HBS1L: variants seen among roughly 807,000 people sequenced by gnomAD.
HBS1L encodes the protein HBS1 like translational GTPase.
HBS1L carries 55 observed loss-of-function variants against 88.9 expected under a neutral mutation model. That is an observed-to-expected ratio of 0.62 (90% confidence interval 0.50 to 0.77). The LOEUF is 0.77. Ranked by LOEUF, HBS1L falls within the 30% of genes least tolerant of loss-of-function variation. HBS1L has a pLI of 0.00. For missense variants in HBS1L, 741 were observed against 829.3 expected, an observed-to-expected ratio of 0.89 and a Z score of 1.31; for synonymous variants, 267 against 288.5, an observed-to-expected ratio of 0.93 and a Z score of 0.76.
chr6:135,031,319 T>C (rs1776377132), intron 4 of HBS1L, among the ~76,000 whole-genome samples: 1 of 152,130 alleles, frequency 6.6e-6, no homozygotes, highest in South Asian at 2.1e-4. Flanking sequence ...AACCTACCTC[T>C]GTATTTCTTG....
At chr6:135,050,517 G>C in intron 2 of HBS1L, 65 bp downstream of exon 2, 1 of 1,060,282 alleles carries the variant, frequency 9.4e-7, no homozygotes, top group Non-Finnish European at 1.4e-6. Flanking sequence ...TCCAGTCCTT[G>C]AACGACTAAC....
At chr6:134,979,956 T>C (rs1774778585) in intron 13 of HBS1L, among the ~76,000 whole-genome samples, 1 of 152,068 alleles carries the variant, frequency 6.6e-6, no homozygotes, top group Non-Finnish European at 1.5e-5. Context: ...ATACATCTAT[T>C]TACCTAGACA....
Position 134,985,342 on chromosome 6 carries a change from T to G in HBS1L, c.1491A>C (p.Lys497Asn). ...AAGCACTACAAAGGTAGCACTTACC[T>G]TTGAAAACATCGGACACACATAATC... Reference protein sequence around the residue: ...PFRLCVSDVFKDQGSGFCITG... With the variant: ...PFRLCVSDVFNDQGSGFCITG... Residue 497 changes from lysine to asparagine, a missense_variant and splice_region_variant, in exon 12 of 18, where the codon AAA (lysine) becomes AAC (asparagine). Lys to Asn is a moderately conservative substitution (Grantham distance 94). Around this residue, in one of 3 missense-constraint regions of HBS1L, gnomAD observed 556 missense variants for 598.4 expected, o/e 0.93. Coordinates refer to ENST00000367837, the MANE Select transcript of HBS1L (RefSeq NM_006620.4). 2 of 1,600,250 alleles carry G rather than the reference T, an allele frequency of 1.2e-6. No individual in the cohort carries two copies. The highest frequency in any genetic ancestry group is 1.7e-6 in the Non-Finnish European group (2 of 1,171,670).
intron 8 of HBS1L, among the ~76,000 whole-genome samples, chr6:134,991,434 C>T (rs1327185296): frequency 6.6e-6 from 1 of 152,068 alleles, no homozygotes; most frequent in African/African-American, 2.4e-5. Context: ...TATTCCAATC[C>T]ACAGTTGACT....
At chr6:134,977,523 G>A (rs1413521197) in intron 15 of HBS1L, among the ~76,000 whole-genome samples, 1 of 151,808 alleles carries the variant, frequency 6.6e-6, no homozygotes, top group East Asian at 1.9e-4. Flanking sequence ...GTGTATGGAA[G>A]AAATGGAATA....
chr6:134,997,125 A>C lies in HBS1L; in HGVS notation c.800-183T>G, dbSNP rs375791968. ...AGCATATCTCTTTACAGACGGGGGG[A>C]ATTTCTCAGATTTTTGGAAATTAAA... On this transcript the variant is annotated intron_variant, in intron 6 of 17. Coordinates refer to ENST00000367837, the MANE Select transcript of HBS1L (RefSeq NM_006620.4). Among the ~76,000 whole-genome samples the C allele has an allele frequency of 1.3e-4, 20 of 152,226 alleles. No individual in the cohort carries two copies. The East Asian group carries it at 3.5e-3, about 26-fold the overall frequency.
intron 4 of HBS1L, among the ~76,000 whole-genome samples, chr6:135,023,608 A>G (rs1031023783): frequency 8.5e-5 from 13 of 152,214 alleles, no homozygotes; most frequent in Admixed American, 7.9e-4. Flanking sequence ...TCATCATATA[A>G]AATTAGGCTT....
At chr6:134,980,638 C>A (rs1314639175) in intron 13 of HBS1L, among the ~76,000 whole-genome samples, 3 of 151,786 alleles carry the variant, frequency 2.0e-5, no homozygotes, top group Admixed American at 2.0e-4. Context: ...TTCTTCTTCC[C>A]CTCAATCATG....
At chr6:135,035,750 C>CAAAAAAAAAAAAAA (rs34517904) in intron 4 of HBS1L, 4 of 71,084 alleles carry the variant, frequency 5.6e-5, no homozygotes, top group African/African-American at 1.5e-4. Flanking sequence ...GACTCTGTCT[C>CAAAAAAAAAAAAAA]AAAAAAAAAA....
chr6:135,009,112 C>T (rs1185056842), intron 4 of HBS1L, among the ~76,000 whole-genome samples: 1 of 152,160 alleles, frequency 6.6e-6, no homozygotes, highest in Non-Finnish European at 1.5e-5. Flanking sequence ...TTTACATGGT[C>T]GTTTACCTTT....
In HBS1L at chr6:135,041,628, T is replaced by A. The variant is rs143164614; in HGVS notation, c.235+373A>T. 8.5e-3 allele frequency among the ~76,000 whole-genome samples: 1,296 copies of A among 152,246 alleles called. 10 individuals are homozygous for A. The highest frequency in any genetic ancestry group is 0.03 in the African/African-American group (1,233 of 41,564). On this transcript the variant is annotated intron_variant, in intron 3 of 17. Transcript: ENST00000367837. ...TTTTTGAAACCTCTTGAACTTAACA[T>A]CTTTGTAAGTAAAGGAGTTTATGTA...
intron 2 of HBS1L, among the ~76,000 whole-genome samples, chr6:135,042,969 G>T (rs1776792153): frequency 6.6e-6 from 1 of 152,160 alleles, no homozygotes; most frequent in South Asian, 2.1e-4. Flanking sequence ...CTGTAAACTA[G>T]TGTCATATAC....
chr6:134,970,353 G>A (rs544164263), intron 15 of HBS1L, among the ~76,000 whole-genome samples: 3 of 152,092 alleles, frequency 2.0e-5, no homozygotes, highest in African/African-American at 4.8e-5. Context: ...GGCTGGTCTC[G>A]AACTCCTGAC....
rs139197509 is a variant in HBS1L at position 135,031,214 on chromosome 6, C to G, written c.430+8359G>C. Among the ~76,000 whole-genome samples the G allele has an allele frequency of 4.8e-3, 725 of 152,064 alleles. 4 individuals are homozygous for G. The highest frequency in any genetic ancestry group is 0.016 in the African/African-American group (659 of 41,532). ...TCGGTGTTAATGAATCCATGCTATA[C>G]ACATCCATTAAATAAGGTGTCTTTA... On this transcript the variant is annotated intron_variant, in intron 4 of 17. Transcript: ENST00000367837.
chr6:135,047,882 A>G (rs939466680), intron 2 of HBS1L, among the ~76,000 whole-genome samples: 2 of 152,214 alleles, frequency 1.3e-5, no homozygotes, highest in African/African-American at 4.8e-5. Flanking sequence ...GTGATGCTGA[A>G]TTATAGGAGC....
At position 134,965,302 on chromosome 6, in the gene HBS1L, A is replaced by G. The variant is rs780381803; in HGVS notation, c.2044-12T>C. 5.1e-6 allele frequency: 4 copies of G among 785,868 alleles called. No homozygotes were observed. Among genetic ancestry groups the G allele is most frequent in the Non-Finnish European group, 1.7e-6 (1 of 581,510 alleles). 48.7% of individuals were successfully genotyped at this position (785,868 alleles called of 1,614,324 possible). On this transcript the variant is annotated splice_polypyrimidine_tract_variant and intron_variant, in intron 17 of 17. Coordinates refer to ENST00000367837, the MANE Select transcript of HBS1L (RefSeq NM_006620.4). ...CATCATTCTTTTATCTGTTAAAACA[A>G]AAAAAAAAAAGACATTTGCTGTAAT...
chr6:134,980,885 A>T (rs1774810243), intron 13 of HBS1L, among the ~76,000 whole-genome samples: 1 of 151,990 alleles, frequency 6.6e-6, no homozygotes, highest in South Asian at 2.1e-4. Context: ...AGTGCTTTCA[A>T]GAATCAAGTA....
At chr6:134,977,584 T>A (rs1027755843) in intron 15 of HBS1L, among the ~76,000 whole-genome samples, 1 of 152,044 alleles carries the variant, frequency 6.6e-6, no homozygotes, top group Non-Finnish European at 1.5e-5. Flanking sequence ...TAATTTTACA[T>A]GATCAAATTA....
At chr6:135,048,134 A>G (rs1776968443) in intron 2 of HBS1L, among the ~76,000 whole-genome samples, 1 of 152,224 alleles carries the variant, frequency 6.6e-6, no homozygotes, top group Admixed American at 6.5e-5. Flanking sequence ...TCATCCAATA[A>G]GGAGATATGA....
Sources: gnomAD v4.1 joint callset for allele counts (sites outside exome capture counted in the v4.1 genomes callset) on GRCh38, gnomAD v4.1.1 for gene constraint, gnomAD v4.1.1 regional missense constraint, MANE v1.5 for transcripts, NCBI Gene and HGNC (gene_info 2026-07-23, HGNC 2026-07-21) for gene names.